The following GAB3 variants were observed in gnomAD, a reference collection of about 807,000 sequenced individuals.
The protein encoded by GAB3 is GRB2 associated binding protein 3, also known as GRB2-associated-binding protein 3.
GAB3 carries 12 observed loss-of-function variants against 40.4 expected under a neutral mutation model. That is an observed-to-expected ratio of 0.30 (90% CI 0.19 to 0.48). GAB3 has a LOEUF of 0.48. Among genes scored for constraint, GAB3 ranks in the 20% least tolerant of loss-of-function variants. GAB3 has a pLI of 0.99. For missense variants in GAB3, 381 were observed against 461.9 expected, an observed-to-expected ratio of 0.82 and a Z score of 1.61; for synonymous variants, 154 against 176.7, an observed-to-expected ratio of 0.87 and a Z score of 1.02.
At chrX:154,691,721 C>G (rs1041658200) in intron 8 of GAB3, among the ~76,000 whole-genome samples, 4 of 111,576 alleles carry the variant, frequency 3.6e-5, no homozygotes, top group African/African-American at 6.5e-5. Context: ...AATGACAAAT[C>G]AATCATAAAA....
intron 4 of GAB3, among the ~76,000 whole-genome samples, chrX:154,708,623 C>G (rs1377711769): frequency 8.9e-6 from 1 of 112,154 alleles, no homozygotes; most frequent in African/African-American, 3.2e-5. Context: ...CTCGACATCA[C>G]TAACCATCAT....
chrX:154,716,409 A>G, intron 1 of GAB3, 80 bp from the exon 2 acceptor site: 5 of 911,005 alleles, frequency 5.5e-6, no homozygotes, highest in Non-Finnish European at 7.6e-6. Context: ...CCATGTCATG[A>G]CAAGGACAGC....
chrX:154,739,130 G>A (rs1207103534), intron 1 of GAB3, among the ~76,000 whole-genome samples: 2 of 111,681 alleles, frequency 1.8e-5, no homozygotes, highest in African/African-American at 6.5e-5. Flanking sequence ...AGGGAGTGGG[G>A]AGTGGGAGCC....
intron 4 of GAB3, among the ~76,000 whole-genome samples, chrX:154,710,078 T>C (rs990619189): frequency 3.0e-5 from 3 of 100,870 alleles, no homozygotes; most frequent in South Asian, 6.4e-4. Context: ...ACATAATGCA[T>C]ATGCATATCA....
At chrX:154,750,905 G>C in intron 1 of GAB3, 49 bp downstream of exon 1, 1 of 753,969 alleles carries the variant, frequency 1.3e-6, no homozygotes, top group Non-Finnish European at 1.6e-6. Flanking sequence ...CCCCGCGGGC[G>C]GGTGCCCCGG....
intron 6 of GAB3, 124 bp from the exon 7 acceptor site, chrX:154,697,337 G>T: frequency 4.6e-6 from 2 of 438,969 alleles, no homozygotes; most frequent in South Asian, 4.7e-5. Flanking sequence ...GATGATGAGG[G>T]TGAATTTCAC....
At chrX:154,686,169 C>G (rs980941038) in intron 8 of GAB3, among the ~76,000 whole-genome samples, 6 of 111,328 alleles carry the variant, frequency 5.4e-5, no homozygotes, top group Non-Finnish European at 5.7e-5. Context: ...CACAAAGACA[C>G]TACAAAAACC....
Position 154,678,253 on chromosome X carries a change from T to G in GAB3, c.1689A>C (p.Gln563His). The G allele has an allele frequency of 8.3e-7, 1 of 1,198,028 alleles. No individual in the cohort carries two copies. The highest frequency in any genetic ancestry group is 1.1e-6 in the Non-Finnish European group (1 of 884,111). Residue 563 changes from glutamine (Q) to histidine (H), a missense_variant, in exon 10 of 10, where the codon CAA (glutamine) becomes CAC (histidine). Gln to His is a conservative substitution (Grantham distance 24, BLOSUM62 0). Around this residue, in one of 2 missense-constraint regions of GAB3, gnomAD observed 17 missense variants for 40.9 expected, o/e 0.42. Transcript: ENST00000424127. ...LSEEQRVDYV[Q>H]VDEQKTQALQ... ...GAGCCTGTGTCTTCTGCTCATCCAC[T>G]TGGACATAGTCTACTCTTTGTTCTT... is the stretch of plus-strand genomic sequence containing the variant.
chrX:154,709,510 G>C (rs2070886180), intron 4 of GAB3, among the ~76,000 whole-genome samples: 2 of 109,194 alleles, frequency 1.8e-5, no homozygotes, highest in Middle Eastern at 4.7e-3. Context: ...AGTAGAGACA[G>C]GGTTCCACCA....
chrX:154,720,115 CA>C (rs1557258412), intron 1 of GAB3, among the ~76,000 whole-genome samples: 1 of 110,129 alleles, frequency 9.1e-6, no homozygotes, highest in Non-Finnish European at 1.9e-5. Flanking sequence ...TTTAGATACA[CA>C]AATACCTACC....
chrX:154,744,884 C>T (rs111318134), intron 1 of GAB3, among the ~76,000 whole-genome samples: 6,570 of 112,069 alleles, frequency 0.059, 182 homozygotes, highest in South Asian at 0.12. Flanking sequence ...AGAAAGATAT[C>T]TAGAAATTCC....
intron 8 of GAB3, among the ~76,000 whole-genome samples, chrX:154,682,992 TAATA>T (rs1255550552): frequency 1.8e-5 from 2 of 111,948 alleles, no homozygotes; most frequent in African/African-American, 3.2e-5. Flanking sequence ...AAAAATAAAA[TAATA>T]AATAAATAAA....
At position 154,712,423 on chromosome X, in the gene GAB3, C is replaced by A; in HGVS notation, c.875G>T (p.Gly292Val). The A allele has an allele frequency of 8.3e-7, 1 of 1,211,276 alleles. No homozygotes were observed. Among genetic ancestry groups the A allele is most frequent in the African/African-American group, 1.7e-5 (1 of 57,642 alleles). ...TTCTTTTGCTCCACAGGGTAAGGAACCTTGATTTTTATCTACCTGAATGGT... is the reference window on the plus strand; with the variant it reads ...TTCTTTTGCTCCACAGGGTAAGGAAACTTGATTTTTATCTACCTGAATGGT... ...SSTIQVDKNQ[G>V]SLPCGAKELD... The change falls in exon 4 of 10, where the codon GGT (glycine) becomes GTT (valine). Residue 292 changes from glycine (G) to valine (V), a missense_variant. Around this residue, in one of 2 missense-constraint regions of GAB3, gnomAD observed 364 missense variants for 421.0 expected, o/e 0.86. Transcript: ENST00000424127.
At position 154,699,151 on chromosome X, in the gene GAB3, A is replaced by T. The variant is rs885348; in HGVS notation, c.1345+143T>A. The T allele has an allele frequency of 3.4e-4, 173 of 506,104 alleles. No homozygotes were observed. In the African/African-American group the frequency reaches 3.4e-3, roughly 10 times the overall value. 41.7% of individuals were successfully genotyped at this position (506,104 alleles called of 1,213,427 possible). A position where few individuals can be genotyped will look rare whatever the true frequency, so the allele number is the denominator to read the frequency against. On this transcript the variant is annotated intron_variant, in intron 6 of 9. Coordinates refer to ENST00000424127, the MANE Select transcript of GAB3 (RefSeq NM_001081573.3). ...AGGTGCCCCAGCCCTTCCTATTCCAACCCAGCCACTTCTTTCCTGACCTTA... is the reference window on the plus strand; with the variant it reads ...AGGTGCCCCAGCCCTTCCTATTCCATCCCAGCCACTTCTTTCCTGACCTTA...
At chrX:154,717,963 C>T (rs147613835) in intron 1 of GAB3, among the ~76,000 whole-genome samples, 429 of 111,741 alleles carry the variant, frequency 3.8e-3, no homozygotes, top group Non-Finnish European at 6.4e-3. Context: ...AGAAGGATGA[C>T]GGCTGACCGC....
At chrX:154,693,042 A>G (rs1363272767) in intron 8 of GAB3, among the ~76,000 whole-genome samples, 1 of 112,026 alleles carries the variant, frequency 8.9e-6, no homozygotes, top group Non-Finnish European at 1.9e-5. Context: ...CATAATAGAC[A>G]ATGGTAGGAA....
chrX:154,746,889 G>C (rs2071536950), intron 1 of GAB3, among the ~76,000 whole-genome samples: 1 of 112,660 alleles, frequency 8.9e-6, no homozygotes, highest in South Asian at 3.6e-4. Context: ...AAAATAACCT[G>C]ATTTCAAGAA....
At chrX:154,709,257 A>G (rs2070875706) in intron 4 of GAB3, among the ~76,000 whole-genome samples, 2 of 110,518 alleles carry the variant, frequency 1.8e-5, no homozygotes, top group African/African-American at 3.3e-5. Context: ...CAGCCTGTGG[A>G]ACTGTGAGTG....
chrX:154,751,547 C>T (rs2071618453), upstream of GAB3: 1 of 729,678 alleles, frequency 1.4e-6, no homozygotes, highest in Non-Finnish European at 1.6e-6. Flanking sequence ...TCCTCTTGGA[C>T]TTCCCTATTC....
Sources: allele counts gnomAD v4.1 joint callset (sites outside exome capture counted in the v4.1 genomes callset), GRCh38; gene constraint gnomAD v4.1.1; regional missense constraint gnomAD v4.1.1; transcripts MANE v1.5; gene names NCBI Gene and HGNC (gene_info 2026-07-23, HGNC 2026-07-21).